GPD2: variants seen among roughly 807,000 people sequenced by gnomAD.
GPD2 encodes the protein glycerol-3-phosphate dehydrogenase 2.
GPD2 carries 54 observed loss-of-function variants against 82.4 expected under a neutral mutation model. The ratio of observed to expected loss-of-function variants is 0.66; its 90% CI spans 0.53 to 0.82. The LOEUF is 0.82. Among genes scored for constraint, GPD2 ranks in the 40% least tolerant of loss-of-function variants. The pLI is 0.00. For missense variants in GPD2, 748 were observed against 896.2 expected (o/e 0.83, Z 2.11); for synonymous variants, 288 against 306.1 (o/e 0.94, Z 0.62).
At chr2:156,582,767 A>C in intron 16 of GPD2, 26 bp from the exon 17 acceptor site, 1 of 1,611,910 alleles carries the variant, frequency 6.2e-7, no homozygotes, top group Non-Finnish European at 8.5e-7. Flanking sequence ...CTGCGTTCTG[A>C]ATCTGTTGCA....
At chr2:156,509,765 C>CTTTTTTTTTTTTT (rs60361072) in intron 3 of GPD2, among the ~76,000 whole-genome samples, 19 of 117,370 alleles carry the variant, frequency 1.6e-4, no homozygotes, top group South Asian at 2.7e-4. Context: ...ATATGTTCTT[C>CTTTTTTTTTTTTT]TTTTTTTTTT....
At chr2:156,451,274 C>A (rs1159931367) in intron 1 of GPD2, among the ~76,000 whole-genome samples, 1 of 150,836 alleles carries the variant, frequency 6.6e-6, no homozygotes, top group Admixed American at 6.6e-5. Flanking sequence ...CCGGACGGGG[C>A]AGCTGGCAGG....
chr2:156,432,544 G>A (rs1257938783), upstream of GPD2, among the ~76,000 whole-genome samples: 5 of 146,980 alleles, frequency 3.4e-5, no homozygotes, highest in Admixed American at 6.8e-5. Context: ...TTAGGATAAC[G>A]GCCTGCAGCT....
chr2:156,458,763 T>C (rs1425034758), intron 1 of GPD2, among the ~76,000 whole-genome samples: 6 of 152,198 alleles, frequency 3.9e-5, no homozygotes, highest in South Asian at 2.1e-4. Context: ...TCTTTGGAAT[T>C]CTTTTTTTTC....
At chr2:156,570,315 A>T in intron 12 of GPD2, 97 bp downstream of exon 12, 1 of 1,070,632 alleles carries the variant, frequency 9.3e-7, no homozygotes, top group South Asian at 1.3e-5. Context: ...CTAAGTTTTA[A>T]TGCACATATG....
At chr2:156,428,294 A>G in the GPD2 span, among the ~76,000 whole-genome samples, 1 of 152,190 alleles carries the variant, frequency 6.6e-6, no homozygotes, top group Non-Finnish European at 1.5e-5. Context: ...AGGATACCCT[A>G]TGTCCAGGGT....
intron 1 of GPD2, among the ~76,000 whole-genome samples, chr2:156,442,562 C>T (rs1682211843): frequency 6.6e-6 from 1 of 152,148 alleles, no homozygotes; most frequent in Non-Finnish European, 1.5e-5. Flanking sequence ...GTAATCCCAG[C>T]ACTTTGGGAG....
At chr2:156,488,084 T>C (rs956869026) in intron 2 of GPD2, among the ~76,000 whole-genome samples, 1 of 151,514 alleles carries the variant, frequency 6.6e-6, no homozygotes, top group Admixed American at 6.6e-5. Context: ...GATGGGCTCC[T>C]TTTTTTTTCT....
intron 8 of GPD2, among the ~76,000 whole-genome samples, chr2:156,557,046 CT>C (rs556632192): frequency 1.1e-3 from 167 of 152,184 alleles, no homozygotes; most frequent in African/African-American, 3.8e-3. Flanking sequence ...GACATTTATC[CT>C]GCTGACATTA....
chr2:156,482,499 T>G (rs1347777208), intron 2 of GPD2, among the ~76,000 whole-genome samples: 2 of 152,208 alleles, frequency 1.3e-5, no homozygotes. Flanking sequence ...TGCCATTTAT[T>G]GGAATTCTGT....
intron 13 of GPD2, among the ~76,000 whole-genome samples, chr2:156,574,507 A>G (rs577236375): frequency 1.3e-5 from 2 of 152,306 alleles, no homozygotes; most frequent in Non-Finnish European, 1.5e-5. Flanking sequence ...GGTGGATTTT[A>G]TCATGTTCAG....
intron 13 of GPD2, among the ~76,000 whole-genome samples, chr2:156,573,991 A>G (rs1687729347): frequency 6.6e-6 from 1 of 152,218 alleles, no homozygotes; most frequent in Admixed American, 6.5e-5. Context: ...ATATTTTAGG[A>G]GAATACTAAA....
chr2:156,561,809 A>G (rs571340317), intron 9 of GPD2, among the ~76,000 whole-genome samples: 2 of 152,212 alleles, frequency 1.3e-5, no homozygotes, highest in African/African-American at 2.4e-5. Flanking sequence ...TTAAGAAAAA[A>G]AAGTGTCAAA....
At chr2:156,546,532 G>A (rs1175453816) in intron 6 of GPD2, among the ~76,000 whole-genome samples, 1 of 152,232 alleles carries the variant, frequency 6.6e-6, no homozygotes, top group Non-Finnish European at 1.5e-5. Flanking sequence ...GGGAGGAGGA[G>A]GTTTACCCTG....
intron 3 of GPD2, among the ~76,000 whole-genome samples, chr2:156,496,524 A>G (rs1404434409): frequency 1.3e-5 from 2 of 152,166 alleles, no homozygotes; most frequent in Admixed American, 1.3e-4. Context: ...TATGCAGTCT[A>G]TAGTAGTGAG....
chr2:156,461,878 A>G (rs1683001415), intron 1 of GPD2, among the ~76,000 whole-genome samples: 1 of 152,166 alleles, frequency 6.6e-6, no homozygotes, highest in Non-Finnish European at 1.5e-5. Flanking sequence ...AATGTATGTT[A>G]CCTGAACCAA....
At chr2:156,495,354 A>C (rs1307989035) in intron 2 of GPD2, among the ~76,000 whole-genome samples, 2 of 152,170 alleles carry the variant, frequency 1.3e-5, no homozygotes, top group Non-Finnish European at 2.9e-5. Flanking sequence ...CATATCAAAA[A>C]AATCCAACAA....
chr2:156,444,943 T>G (rs958198911), intron 1 of GPD2, among the ~76,000 whole-genome samples: 1 of 152,148 alleles, frequency 6.6e-6, no homozygotes, highest in Non-Finnish European at 1.5e-5. Flanking sequence ...AGAGACAGTG[T>G]CTCACTATGT....
intron 6 of GPD2, among the ~76,000 whole-genome samples, chr2:156,526,625 G>A (rs1685619675): frequency 1.3e-5 from 2 of 151,672 alleles, no homozygotes; most frequent in Non-Finnish European, 1.5e-5. Context: ...AAAATTTGAG[G>A]GACTTTCTGC....
Sources: allele counts gnomAD v4.1 joint callset (sites outside exome capture counted in the v4.1 genomes callset), GRCh38; gene constraint gnomAD v4.1.1; transcripts MANE v1.5; gene names NCBI Gene and HGNC (gene_info 2026-07-23, HGNC 2026-07-21).